Variants in EPB41L5 observed in about 807,000 individuals in gnomAD.
The protein encoded by EPB41L5 is band 4.1-like protein 5.
Under a neutral mutation model 106.6 loss-of-function variants are expected in EPB41L5, and 55 were observed. The ratio of observed to expected loss-of-function variants is 0.52; its 90% CI spans 0.42 to 0.65. EPB41L5 has a LOEUF of 0.65. Ranked by LOEUF, EPB41L5 falls within the 30% of genes least tolerant of loss-of-function variation. The probability of loss-of-function intolerance (pLI) is 0.00; values close to 1 mark genes in which losing one functional copy is unlikely to be tolerated. For synonymous variants in EPB41L5, 297 were observed against 306.7 expected, an observed-to-expected ratio of 0.97 and a Z score of 0.33; for missense variants, 871 against 882.1, an observed-to-expected ratio of 0.99 and a Z score of 0.16.
chr2:120,056,869 C>T (rs576427820), intron 3 of EPB41L5, among the ~76,000 whole-genome samples: 93 of 151,952 alleles, frequency 6.1e-4, no homozygotes, highest in Non-Finnish European at 1.1e-3. Context: ...TGACTCATTC[C>T]TTTACTTGTT....
At chr2:120,081,418 T>C (rs576629571) in intron 10 of EPB41L5, among the ~76,000 whole-genome samples, 1 of 152,342 alleles carries the variant, frequency 6.6e-6, no homozygotes, top group East Asian at 1.9e-4. Context: ...TGGATGGTTG[T>C]AGATGTGTGG....
In EPB41L5 at chr2:120,078,596, T is replaced by C. The variant is rs1436459281; in HGVS notation, c.803+15T>C. 5.2e-6 allele frequency: 8 copies of C among 1,543,092 alleles called. No individual in the cohort carries two copies. Among genetic ancestry groups the C allele is most frequent in the Admixed American group, 3.5e-5 (2 of 57,630 alleles). On this transcript the variant is annotated intron_variant, in intron 10 of 24. Coordinates refer to ENST00000263713, the MANE Select transcript of EPB41L5 (RefSeq NM_020909.4). ...TTATTTTTTTGGTAAGCAAGAGTTA[T>C]TGTCAAAGATACTTACTGTTGTTTT...
At chr2:120,019,351 G>A (rs1677768347) in intron 2 of EPB41L5, 87 bp downstream of exon 2, 1 of 1,273,854 alleles carries the variant, frequency 7.9e-7, no homozygotes, top group Non-Finnish European at 1.1e-6. Flanking sequence ...GTAACTTCTG[G>A]ATGGAAATAA....
At chr2:120,014,661 G>C (rs1677389126) in intron 1 of EPB41L5, among the ~76,000 whole-genome samples, 1 of 152,090 alleles carries the variant, frequency 6.6e-6, no homozygotes, top group East Asian at 1.9e-4. Context: ...GGAGCGGGTG[G>C]AAGAGAGGTC....
intron 2 of EPB41L5, among the ~76,000 whole-genome samples, chr2:120,027,305 G>C (rs1482421925): frequency 6.6e-6 from 1 of 152,170 alleles, no homozygotes; most frequent in Non-Finnish European, 1.5e-5. Context: ...TCATCAATAG[G>C]TAAATGGATA....
At chr2:120,097,032 T>C (rs1683801392) in intron 14 of EPB41L5, among the ~76,000 whole-genome samples, 1 of 152,236 alleles carries the variant, frequency 6.6e-6, no homozygotes, top group African/African-American at 2.4e-5. Flanking sequence ...GAGGTTTTTC[T>C]TTAAGATGTT....
At chr2:120,058,451 C>G (rs1680806129) in intron 3 of EPB41L5, among the ~76,000 whole-genome samples, 2 of 152,218 alleles carry the variant, frequency 1.3e-5, no homozygotes, top group Admixed American at 1.3e-4. Context: ...GTTGGGATTA[C>G]AGGTGTGGGC....
At chr2:120,047,952 A>C (rs1283145414) in intron 3 of EPB41L5, among the ~76,000 whole-genome samples, 3 of 152,076 alleles carry the variant, frequency 2.0e-5, no homozygotes, top group Non-Finnish European at 2.9e-5. Flanking sequence ...TGTTTATATG[A>C]TGGATTACGT....
rs372203350 is a variant in EPB41L5 at position 120,059,595 on chromosome 2, G to A, written c.286-13583G>A. On this transcript the variant is annotated intron_variant, in intron 3 of 24. Coordinates refer to ENST00000263713, the MANE Select transcript of EPB41L5 (RefSeq NM_020909.4). ...ATATCACACATCTGACCAGGAACTC[G>A]TGTCTAGCATATATACACAATGCCT... Among the ~76,000 whole-genome samples the A allele has an allele frequency of 2.4e-4, 37 of 152,282 alleles. 1 individual carries two copies. The East Asian group carries it at 3.5e-3, about 14-fold the overall frequency.
At chr2:120,108,173 C>A (rs753377586) in intron 16 of EPB41L5, 1 of 152,018 alleles carries the variant, frequency 6.6e-6, no homozygotes, top group Non-Finnish European at 1.5e-5. Context: ...GGTGGTGGTG[C>A]TTGAGTGAAC....
At chr2:120,118,191 G>C (rs1457650861) in intron 16 of EPB41L5, among the ~76,000 whole-genome samples, 2 of 152,140 alleles carry the variant, frequency 1.3e-5, no homozygotes, top group African/African-American at 2.4e-5. Context: ...TAAGATAGGA[G>C]TAATGAAATC....
At chr2:120,119,590 A>T (rs79522762) in intron 16 of EPB41L5, among the ~76,000 whole-genome samples, 3,320 of 152,060 alleles carry the variant, frequency 0.022, 118 homozygotes, top group African/African-American at 0.075. Flanking sequence ...CAGTTATCCC[A>T]GCACTATTTA....
chr2:120,096,297 A>G (rs551672399), intron 14 of EPB41L5, among the ~76,000 whole-genome samples: 2 of 152,280 alleles, frequency 1.3e-5, no homozygotes, highest in South Asian at 2.1e-4. Context: ...CGCTTTCTGA[A>G]CAAGGACTCC....
At chr2:120,036,099 G>T (rs11689520) in intron 2 of EPB41L5, among the ~76,000 whole-genome samples, 3,382 of 152,248 alleles carry the variant, frequency 0.022, 61 homozygotes, top group Non-Finnish European at 0.035. Flanking sequence ...CTCAGACAGT[G>T]GGTGGAAGTG....
chr2:120,139,994 ATG>A (rs1443166347), intron 18 of EPB41L5, among the ~76,000 whole-genome samples: 1 of 152,134 alleles, frequency 6.6e-6, no homozygotes, highest in Non-Finnish European at 1.5e-5. Context: ...CATAAAAAGA[ATG>A]AGATACTATC....
At chr2:120,156,221 G>C (rs1411539407) in intron 20 of EPB41L5, among the ~76,000 whole-genome samples, 1 of 152,184 alleles carries the variant, frequency 6.6e-6, no homozygotes, top group Non-Finnish European at 1.5e-5. Flanking sequence ...CCCTTGGTCT[G>C]ATGGTCCCCC....
chr2:120,064,766 G>A (rs936583263), intron 3 of EPB41L5, among the ~76,000 whole-genome samples: 1 of 152,108 alleles, frequency 6.6e-6, no homozygotes, highest in African/African-American at 2.4e-5. Flanking sequence ...TTATCTTCTA[G>A]TGTAATATAA....
chr2:120,096,694 A>G (rs1683779244), intron 14 of EPB41L5, among the ~76,000 whole-genome samples: 1 of 152,122 alleles, frequency 6.6e-6, no homozygotes, highest in Non-Finnish European at 1.5e-5. Flanking sequence ...GGAGGCTGAG[A>G]CAGGAGAATT....
At chr2:120,127,581 C>A (rs1685514019) in intron 16 of EPB41L5, 107 bp from the exon 17 acceptor site, 1 of 836,266 alleles carries the variant, frequency 1.2e-6, no homozygotes, top group Admixed American at 2.7e-5. Context: ...TTCATGGTTG[C>A]TTGAATTCAC....
Sources: allele counts gnomAD v4.1 joint callset (sites outside exome capture counted in the v4.1 genomes callset), GRCh38; gene constraint gnomAD v4.1.1; transcripts MANE v1.5; gene names NCBI Gene and HGNC (gene_info 2026-07-23, HGNC 2026-07-21).